Variants in CCDC73 observed in about 807,000 individuals in gnomAD.
CCDC73 encodes coiled-coil domain-containing protein 73.
CCDC73 carries 95 observed loss-of-function variants against 116.5 expected under a neutral mutation model. The observed-to-expected ratio is 0.82, with a 90% CI of 0.69 to 0.97. CCDC73 has a LOEUF of 0.97. Ranked by LOEUF, CCDC73 falls within the 50% of genes least tolerant of loss-of-function variation. CCDC73 has a pLI of 0.00. For missense variants in CCDC73, 1,066 were observed against 1,206.8 expected, an observed-to-expected ratio of 0.88 and a Z score of 1.73; for synonymous variants, 398 against 401.3, an observed-to-expected ratio of 0.99 and a Z score of 0.10.
At chr11:32,697,831 G>A (rs575749010) in intron 6 of CCDC73, among the ~76,000 whole-genome samples, 1 of 151,430 alleles carries the variant, frequency 6.6e-6, no homozygotes, top group African/African-American at 2.4e-5. Flanking sequence ...AGGTTCAGGG[G>A]TACATATGCA....
intron 2 of CCDC73, 89 bp from the exon 3 acceptor site, chr11:32,718,236 C>A: frequency 1.3e-6 from 1 of 786,162 alleles, no homozygotes; most frequent in Non-Finnish European, 2.0e-6. Context: ...ATAGAAATAG[C>A]ATACTCCCAC....
intron 1 of CCDC73, among the ~76,000 whole-genome samples, chr11:32,767,693 T>C (rs1057322616): frequency 8.5e-5 from 13 of 152,288 alleles, no homozygotes; most frequent in Middle Eastern, 3.4e-3. Flanking sequence ...AAAGAAGACA[T>C]TTATGCAGCC....
intron 3 of CCDC73, among the ~76,000 whole-genome samples, chr11:32,715,672 A>G (rs550297264): frequency 6.6e-6 from 1 of 152,318 alleles, no homozygotes; most frequent in African/African-American, 2.4e-5. Context: ...CTGCATCAAT[A>G]TAACAGAGAT....
chr11:32,664,588 G>T (rs1179083051), intron 9 of CCDC73, among the ~76,000 whole-genome samples: 1 of 152,032 alleles, frequency 6.6e-6, no homozygotes, highest in Non-Finnish European at 1.5e-5. Context: ...TATTAGGCTT[G>T]CTGGGGTCTA....
At chr11:32,820,673 A>G in the CCDC73 span, among the ~76,000 whole-genome samples, 2 of 152,202 alleles carry the variant, frequency 1.3e-5, no homozygotes, top group Non-Finnish European at 2.9e-5. Context: ...ATTGCCTTCT[A>G]AAATGGTTAT....
chr11:32,619,036 T>C (rs922749218), intron 14 of CCDC73, among the ~76,000 whole-genome samples: 8 of 152,220 alleles, frequency 5.3e-5, no homozygotes, highest in Non-Finnish European at 1.2e-4. Flanking sequence ...TATTTGTTTA[T>C]TGCTTGTTCA....
chr11:32,646,561 T>C (rs201865), intron 12 of CCDC73, among the ~76,000 whole-genome samples: 37,424 of 152,140 alleles, frequency 0.25, 4,741 homozygotes, highest in Middle Eastern at 0.28. Flanking sequence ...TACGTTCCAG[T>C]GTTGCCACTG....
intron 2 of CCDC73, among the ~76,000 whole-genome samples, chr11:32,732,941 G>A (rs921277244): frequency 1.3e-5 from 2 of 152,142 alleles, no homozygotes; most frequent in African/African-American, 4.8e-5. Context: ...ATGTAAATGG[G>A]CTAAATGCTC....
At chr11:32,820,249 G>C in the CCDC73 span, among the ~76,000 whole-genome samples, 25 of 152,104 alleles carry the variant, frequency 1.6e-4, no homozygotes, top group Admixed American at 2.6e-4. Flanking sequence ...GATCTCCCAG[G>C]CTCAAGCAAT....
intron 9 of CCDC73, among the ~76,000 whole-genome samples, chr11:32,673,991 G>A (rs1856062130): frequency 6.6e-6 from 1 of 152,116 alleles, no homozygotes; most frequent in Non-Finnish European, 1.5e-5. Context: ...CAGAGGGAAG[G>A]AACAGGGGGA....
intron 7 of CCDC73, chr11:32,682,443 T>G (rs1767729524): frequency 6.6e-6 from 1 of 151,972 alleles, no homozygotes; most frequent in Admixed American, 6.6e-5. Context: ...CAATCAAGCT[T>G]AGCAGTCTAT....
intron 10 of CCDC73, among the ~76,000 whole-genome samples, chr11:32,654,361 A>G (rs927796986): frequency 1.3e-5 from 2 of 152,144 alleles, no homozygotes; most frequent in African/African-American, 4.8e-5. Context: ...TTTAGTGGAG[A>G]CGAGGTTTCA....
chr11:32,603,067 A>AT (rs772339957), intron 17 of CCDC73, 47 bp from the exon 18 acceptor site: 1 of 1,467,482 alleles, frequency 6.8e-7, no homozygotes, highest in East Asian at 2.3e-5. Flanking sequence ...TATACAAAAG[A>AT]TTTTAAAGAG....
chr11:32,817,869 A>G, the CCDC73 span, among the ~76,000 whole-genome samples: 1 of 152,238 alleles, frequency 6.6e-6, no homozygotes, highest in African/African-American at 2.4e-5. Flanking sequence ...GAAAATTCAT[A>G]TCACGAGTGC....
At chr11:32,826,665 A>C in the CCDC73 span, among the ~76,000 whole-genome samples, 3 of 151,518 alleles carry the variant, frequency 2.0e-5, no homozygotes, top group Non-Finnish European at 2.9e-5. Flanking sequence ...AAAAACAAAA[A>C]AAAAAACCCA....
chr11:32,668,304 G>A (rs1047374347), intron 9 of CCDC73, among the ~76,000 whole-genome samples: 8 of 151,930 alleles, frequency 5.3e-5, no homozygotes, highest in East Asian at 1.9e-4. Flanking sequence ...TCTCATAGCC[G>A]GTAACAATAA....
At chr11:32,673,355 G>T (rs1856056644) in intron 9 of CCDC73, among the ~76,000 whole-genome samples, 1 of 151,996 alleles carries the variant, frequency 6.6e-6, no homozygotes, top group African/African-American at 2.4e-5. Flanking sequence ...ATTCAGTTTT[G>T]CTGTGAACCT....
chr11:32,810,464 G>C, the CCDC73 span, among the ~76,000 whole-genome samples: 13 of 152,102 alleles, frequency 8.5e-5, no homozygotes, highest in African/African-American at 3.1e-4. Flanking sequence ...AAAGTCACAC[G>C]ATTAATTAAA....
At chr11:32,631,386 T>A (rs1855628765) in intron 14 of CCDC73, among the ~76,000 whole-genome samples, 1 of 152,228 alleles carries the variant, frequency 6.6e-6, no homozygotes, top group Non-Finnish European at 1.5e-5. Context: ...TTACCTAGAA[T>A]GTTCCCTGAC....
Sources: allele counts gnomAD v4.1 joint callset (sites outside exome capture counted in the v4.1 genomes callset), GRCh38; gene constraint gnomAD v4.1.1; transcripts MANE v1.5; gene names NCBI Gene and HGNC (gene_info 2026-07-23, HGNC 2026-07-21).